NFIB: variants seen among roughly 807,000 people sequenced by gnomAD.
The protein encoded by NFIB is nuclear factor 1 B-type.
NFIB carries 11 observed loss-of-function variants against 61.5 expected under a neutral mutation model. The ratio of observed to expected loss-of-function variants is 0.18; its 90% CI spans 0.11 to 0.30. NFIB has a LOEUF of 0.30. NFIB is among the 10% of genes least tolerant of loss of function. The pLI is 1.00. For synonymous variants in NFIB, 260 were observed against 216.5 expected, an observed-to-expected ratio of 1.20 and a Z score of -1.76; for missense variants, 471 against 608.9, an observed-to-expected ratio of 0.77 and a Z score of 2.38.
chr9:14,409,466 G>A, the NFIB span, among the ~76,000 whole-genome samples: 4 of 152,254 alleles, frequency 2.6e-5, no homozygotes, highest in Non-Finnish European at 5.9e-5. Context: ...ATCCAGGAAT[G>A]CTAATGCCTG....
intron 2 of NFIB, among the ~76,000 whole-genome samples, chr9:14,225,643 T>C (rs1416621108): frequency 3.3e-5 from 5 of 152,156 alleles, no homozygotes; most frequent in Admixed American, 3.3e-4. Flanking sequence ...TCATTGCTTA[T>C]AATATTAAAG....
At chr9:14,251,979 C>T (rs1217977795) in intron 2 of NFIB, among the ~76,000 whole-genome samples, 1 of 152,178 alleles carries the variant, frequency 6.6e-6, no homozygotes, top group African/African-American at 2.4e-5. Flanking sequence ...ACATTCTTTG[C>T]ATGGTAGTAA....
At chr9:14,148,499 G>A (rs374287246) in intron 5 of NFIB, among the ~76,000 whole-genome samples, 14 of 151,970 alleles carry the variant, frequency 9.2e-5, no homozygotes, top group East Asian at 7.7e-4. Context: ...TTCACTTTTC[G>A]CAGCAATAAT....
the NFIB span, among the ~76,000 whole-genome samples, chr9:14,514,453 G>A: frequency 6.6e-6 from 1 of 152,146 alleles, no homozygotes; most frequent in South Asian, 2.1e-4. Flanking sequence ...GTACTAAAAA[G>A]ATATTCCTAG....
chr9:14,407,933 C>T, the NFIB span, among the ~76,000 whole-genome samples: 4 of 152,294 alleles, frequency 2.6e-5, no homozygotes, highest in South Asian at 6.2e-4. Context: ...GTAATCCTCC[C>T]ATCCTTGCCT....
intron 10 of NFIB, among the ~76,000 whole-genome samples, chr9:14,088,944 G>C (rs1000555168): frequency 2.0e-5 from 3 of 152,084 alleles, no homozygotes; most frequent in African/African-American, 7.2e-5. Flanking sequence ...GAGTTTTTTA[G>C]TAAAGACCGA....
At chr9:14,334,073 T>G (rs1314706385) in intron 1 of NFIB, among the ~76,000 whole-genome samples, 1 of 152,242 alleles carries the variant, frequency 6.6e-6, no homozygotes, top group Non-Finnish European at 1.5e-5. Flanking sequence ...CATTGCAGTA[T>G]GGAATTCTAT....
the NFIB span, among the ~76,000 whole-genome samples, chr9:14,461,512 A>G: frequency 3.3e-5 from 5 of 152,284 alleles, no homozygotes; most frequent in African/African-American, 1.2e-4. Flanking sequence ...TCTTTCTTCC[A>G]CTGTGGAACT....
chr9:14,476,451 C>T, the NFIB span, among the ~76,000 whole-genome samples: 230 of 152,188 alleles, frequency 1.5e-3, 2 homozygotes, highest in African/African-American at 5.3e-3. Context: ...CATGCTCAGG[C>T]CTTGATTGAC....
chr9:14,091,185 C>G (rs1448040841), intron 10 of NFIB, among the ~76,000 whole-genome samples: 1 of 151,666 alleles, frequency 6.6e-6, no homozygotes. Context: ...TTACAAGTCT[C>G]TTATTGCCAA....
intron 3 of NFIB, among the ~76,000 whole-genome samples, chr9:14,164,572 T>C (rs1046376322): frequency 6.6e-6 from 1 of 152,108 alleles, no homozygotes; most frequent in African/African-American, 2.4e-5. Context: ...GTACATGACA[T>C]ACAAATATAA....
intron 2 of NFIB, among the ~76,000 whole-genome samples, chr9:14,195,145 C>A (rs1052393530): frequency 1.3e-5 from 2 of 151,654 alleles, no homozygotes; most frequent in Non-Finnish European, 2.9e-5. Context: ...TTCATAGGAC[C>A]AATCAACTGG....
At chr9:14,461,199 G>A in the NFIB span, among the ~76,000 whole-genome samples, 1 of 152,152 alleles carries the variant, frequency 6.6e-6, no homozygotes, top group South Asian at 2.1e-4. Flanking sequence ...AGATTGTGAG[G>A]TCTTGAGGGA....
the NFIB span, among the ~76,000 whole-genome samples, chr9:14,513,077 T>C: frequency 6.6e-6 from 1 of 152,166 alleles, no homozygotes; most frequent in East Asian, 1.9e-4. Flanking sequence ...CCATCTAAAT[T>C]TTTAAATATA....
chr9:14,491,072 G>C, the NFIB span, among the ~76,000 whole-genome samples: 9 of 152,188 alleles, frequency 5.9e-5, no homozygotes, highest in Non-Finnish European at 1.0e-4. Context: ...TTGGAAGCTA[G>C]TCCATGTGGT....
At chr9:14,363,476 G>A (rs898480290) in intron 1 of NFIB, among the ~76,000 whole-genome samples, 28 of 152,172 alleles carry the variant, frequency 1.8e-4, no homozygotes, top group African/African-American at 6.5e-4. Flanking sequence ...TTGTTTTACA[G>A]TAAAGTTGAT....
intron 2 of NFIB, among the ~76,000 whole-genome samples, chr9:14,287,547 C>T (rs545707220): frequency 6.6e-6 from 1 of 151,956 alleles, no homozygotes. Context: ...CTCAGCTTCC[C>T]GAGTAGCTGG....
At chr9:14,158,110 C>CAAAAAAAAAAAAAAAAAA (rs372875773) in intron 3 of NFIB, among the ~76,000 whole-genome samples, 2 of 64,376 alleles carry the variant, frequency 3.1e-5, no homozygotes, top group African/African-American at 5.7e-5. Context: ...GACTCCATCT[C>CAAAAAAAAAAAAAAAAAA]AAAAAAAAAA....
At chr9:14,474,415 A>C in the NFIB span, among the ~76,000 whole-genome samples, 30 of 152,298 alleles carry the variant, frequency 2.0e-4, no homozygotes, top group Admixed American at 3.3e-4. Flanking sequence ...TCCACCTCCA[A>C]ACACTATCAC....
Sources: allele counts gnomAD v4.1 joint callset (sites outside exome capture counted in the v4.1 genomes callset), GRCh38; gene constraint gnomAD v4.1.1; transcripts MANE v1.5; gene names NCBI Gene and HGNC (gene_info 2026-07-23, HGNC 2026-07-21).